The following EFNA5 variants were observed in gnomAD, a reference collection of about 807,000 sequenced individuals.
The protein encoded by EFNA5 is ephrin A5, also known as ephrin-A5.
In EFNA5, 5 loss-of-function variants were observed where a neutral mutation model predicts 22.9. The ratio of observed to expected loss-of-function variants is 0.22; its 90% CI spans 0.11 to 0.46. The LOEUF (loss-of-function observed/expected upper bound fraction) is 0.46, where lower values mean the gene tolerates loss of function less well. EFNA5 is among the 20% of genes least tolerant of loss of function. The pLI, the probability that EFNA5 is intolerant of heterozygous loss-of-function variation, is 0.99. For missense variants in EFNA5, 237 were observed against 293.3 expected, an observed-to-expected ratio of 0.81 and a Z score of 1.40; for synonymous variants, 113 against 112.2, an observed-to-expected ratio of 1.01 and a Z score of -0.04.
intron 2 of EFNA5, among the ~76,000 whole-genome samples, chr5:107,388,010 G>C (rs1747681318): frequency 6.6e-6 from 1 of 152,202 alleles, no homozygotes; most frequent in African/African-American, 2.4e-5. Flanking sequence ...ATGCAAGAAT[G>C]TGAGTAATCT....
At chr5:107,413,519 A>C (rs909010026) in intron 2 of EFNA5, among the ~76,000 whole-genome samples, 7 of 152,156 alleles carry the variant, frequency 4.6e-5, no homozygotes, top group Non-Finnish European at 1.0e-4. Flanking sequence ...ATATTACAGG[A>C]ACTATTCATT....
chr5:107,606,141 C>T (rs773779869), intron 1 of EFNA5, among the ~76,000 whole-genome samples: 4 of 152,158 alleles, frequency 2.6e-5, no homozygotes, highest in African/African-American at 9.7e-5. Flanking sequence ...AAGAATTCTA[C>T]GTGCTCAGAC....
chr5:107,670,446 C>T, intron 1 of EFNA5, 43 bp downstream of exon 1: 1 of 1,529,126 alleles, frequency 6.5e-7, no homozygotes, highest in Non-Finnish European at 8.8e-7. Context: ...CGCAGGGCCC[C>T]GAGGCCCGGG....
At chr5:107,398,315 C>G (rs1021441246) in intron 2 of EFNA5, among the ~76,000 whole-genome samples, 10 of 152,162 alleles carry the variant, frequency 6.6e-5, no homozygotes, top group Non-Finnish European at 1.3e-4. Flanking sequence ...ACACAATAAC[C>G]CTCTTCCAGG....
At chr5:107,654,024 A>T (rs1190275839) in intron 1 of EFNA5, among the ~76,000 whole-genome samples, 1 of 152,122 alleles carries the variant, frequency 6.6e-6, no homozygotes, top group East Asian at 1.9e-4. Context: ...ACCAAACCCC[A>T]TGAATTAAGA....
rs545804035 is a variant in EFNA5, at chr5:107,542,625, T to C, written c.126-115116A>G. Reference sequence around the variant, plus strand: ...ATGCCTTCTCTGCCGGCAAATATGATTAATGTGTGTACAGGGAGGAGAAAA... The same window carrying C: ...ATGCCTTCTCTGCCGGCAAATATGACTAATGTGTGTACAGGGAGGAGAAAA... On this transcript the variant is annotated intron_variant, in intron 1 of 4. Transcript: ENST00000333274. 2.7e-4 allele frequency among the ~76,000 whole-genome samples: 41 copies of C among 152,016 alleles called. No individual in the cohort carries two copies. The South Asian group carries it at 7.3e-3, about 27-fold the overall frequency.
chr5:107,623,600 T>C (rs1274250467), intron 1 of EFNA5, among the ~76,000 whole-genome samples: 1 of 152,014 alleles, frequency 6.6e-6, no homozygotes, highest in Non-Finnish European at 1.5e-5. Flanking sequence ...CTGTACAGCA[T>C]GAATAGGTGG....
At chr5:107,395,577 G>A (rs1330791770) in intron 2 of EFNA5, among the ~76,000 whole-genome samples, 1 of 152,140 alleles carries the variant, frequency 6.6e-6, no homozygotes, top group South Asian at 2.1e-4. Flanking sequence ...TCTTTGAACA[G>A]TTAAGAAAAA....
chr5:107,529,574 T>TGCCTTCCTTC (rs1202591634), intron 1 of EFNA5, among the ~76,000 whole-genome samples: 1 of 152,218 alleles, frequency 6.6e-6, no homozygotes, highest in Non-Finnish European at 1.5e-5. Context: ...ATGGATTGCT[T>TGCCTTCCTTC]GCCTTCCTTC....
chr5:107,562,977 C>T (rs1748581628), intron 1 of EFNA5, among the ~76,000 whole-genome samples: 1 of 152,150 alleles, frequency 6.6e-6, no homozygotes, highest in African/African-American at 2.4e-5. Flanking sequence ...GGAAAGGCCT[C>T]ATTTTCAGAG....
At chr5:107,657,032 T>C (rs1471543917) in intron 1 of EFNA5, among the ~76,000 whole-genome samples, 1 of 152,164 alleles carries the variant, frequency 6.6e-6, no homozygotes, top group Non-Finnish European at 1.5e-5. Context: ...ATGTTTTTAC[T>C]ATACGCAGTT....
intron 2 of EFNA5, among the ~76,000 whole-genome samples, chr5:107,401,528 C>A (rs1283234797): frequency 1.3e-5 from 2 of 152,148 alleles, no homozygotes; most frequent in Admixed American, 6.5e-5. Flanking sequence ...CCCTGTGATA[C>A]CTTTACAGAT....
intron 1 of EFNA5, among the ~76,000 whole-genome samples, chr5:107,460,847 A>G (rs2112455589): frequency 6.6e-6 from 1 of 152,312 alleles, no homozygotes; most frequent in Admixed American, 6.5e-5. Flanking sequence ...TATGTCATTA[A>G]AACAAGGGAA....
intron 1 of EFNA5, among the ~76,000 whole-genome samples, chr5:107,434,818 T>C (rs2112429123): frequency 6.6e-6 from 1 of 152,358 alleles, no homozygotes; most frequent in Middle Eastern, 3.4e-3. Context: ...TAGTTGATTA[T>C]TACATTTTAA....
intron 2 of EFNA5, among the ~76,000 whole-genome samples, chr5:107,394,290 T>C (rs971586132): frequency 6.6e-6 from 1 of 152,162 alleles, no homozygotes; most frequent in African/African-American, 2.4e-5. Flanking sequence ...ACTTAAATCA[T>C]GGGCAGGTTA....
intron 1 of EFNA5, among the ~76,000 whole-genome samples, chr5:107,432,893 A>G (rs867425693): frequency 1.2e-4 from 18 of 152,238 alleles, no homozygotes; most frequent in African/African-American, 4.3e-4. Context: ...TCCTCAGTCT[A>G]CTCAATGTGA....
In EFNA5 at chr5:107,537,682, C is replaced by T. The variant is rs139688022; in HGVS notation, c.126-110173G>A. ...TCCATGAGAGATCATGAACATTTTA[C>T]TGATGACAAAAGTAAGGTTCAAAAA... On this transcript the variant is annotated intron_variant, in intron 1 of 4. Coordinates refer to ENST00000333274, the MANE Select transcript of EFNA5 (RefSeq NM_001962.3). 3.5e-4 allele frequency among the ~76,000 whole-genome samples: 53 copies of T among 152,290 alleles called. No individual in the cohort carries two copies. The East Asian group carries it at 8.9e-3, about 25-fold the overall frequency.
chr5:107,612,575 C>CCATACATAA (rs1749838896), intron 1 of EFNA5, among the ~76,000 whole-genome samples: 1 of 151,940 alleles, frequency 6.6e-6, no homozygotes, highest in African/African-American at 2.4e-5. Context: ...TGGTAACTGT[C>CCATACATAA]AAGGTCCATA....
chr5:107,457,252 C>T (rs114714747), intron 1 of EFNA5, among the ~76,000 whole-genome samples: 2,350 of 152,174 alleles, frequency 0.015, 34 homozygotes, highest in Middle Eastern at 0.037. Context: ...ATCTAAAGTT[C>T]TCCAAAAGAA....
Sources: allele counts gnomAD v4.1 joint callset (sites outside exome capture counted in the v4.1 genomes callset), GRCh38; gene constraint gnomAD v4.1.1; transcripts MANE v1.5; gene names NCBI Gene and HGNC (gene_info 2026-07-23, HGNC 2026-07-21).